The following RBFOX1 variants were observed in gnomAD, a reference collection of about 807,000 sequenced individuals.
The protein encoded by RBFOX1 is RNA binding protein fox-1 homolog 1.
In RBFOX1, 8 loss-of-function variants were observed where a neutral mutation model predicts 57.7. That is an observed-to-expected ratio of 0.14 (90% CI 0.08 to 0.25). The LOEUF is 0.25. Ranked by LOEUF, RBFOX1 falls within the 10% of genes least tolerant of loss-of-function variation. The pLI is 1.00. For synonymous variants in RBFOX1, 326 were observed against 222.4 expected (o/e 1.47, Z -4.15); for missense variants, 611 against 548.5 (o/e 1.11, Z -1.14).
chr16:6,745,835 A>C (rs1171114490), intron 3 of RBFOX1, among the ~76,000 whole-genome samples: 1 of 152,214 alleles, frequency 6.6e-6, no homozygotes, highest in Non-Finnish European at 1.5e-5. Context: ...AGAAGAAAAA[A>C]ACTGTCTTTA....
intron 1 of RBFOX1, among the ~76,000 whole-genome samples, chr16:5,443,462 T>C (rs1447983941): frequency 6.6e-6 from 1 of 152,172 alleles, no homozygotes; most frequent in Non-Finnish European, 1.5e-5. Context: ...CTCAGCCTTC[T>C]GAGTAGCTGG....
rs1426340215 is a variant in RBFOX1 at position 5,991,434 on chromosome 16, A to G, written c.351+124099A>G. Reference sequence around the variant, plus strand: ...GGAATTAAAGAATCATCGTCACTGCAGCTTTGTGCTGGGGAATGGCAATTA... The same window carrying G: ...GGAATTAAAGAATCATCGTCACTGCGGCTTTGTGCTGGGGAATGGCAATTA... On this transcript the variant is annotated intron_variant, in intron 4 of 19. Transcript: ENST00000641259. Among the ~76,000 whole-genome samples the G allele has an allele frequency of 2.0e-5, 3 of 152,304 alleles. 1 individual carries two copies. The South Asian group carries it at 6.2e-4, about 32-fold the overall frequency.
At chr16:5,351,492 T>C (rs766019248) in intron 1 of RBFOX1, among the ~76,000 whole-genome samples, 7 of 152,204 alleles carry the variant, frequency 4.6e-5, no homozygotes, top group Non-Finnish European at 7.3e-5. Context: ...CTGATGCCTA[T>C]TGATGGGTCT....
rs115090803 is a variant in RBFOX1, at chr16:6,876,710, G to A, written c.-15-175347G>A. Reference sequence around the variant, plus strand: ...GGAACCAAAGAAGTTGTTATCTGCCGTCTGATCAAGAGAGAACCCATAGTC... The same window carrying A: ...GGAACCAAAGAAGTTGTTATCTGCCATCTGATCAAGAGAGAACCCATAGTC... On this transcript the variant is annotated intron_variant, in intron 3 of 15. Coordinates refer to ENST00000550418, the MANE Select transcript of RBFOX1 (RefSeq NM_018723.4). Among the ~76,000 whole-genome samples, 1,174 of 152,090 alleles carry A rather than the reference G, an allele frequency of 7.7e-3. 14 individuals are homozygous for A. Among genetic ancestry groups the A allele is most frequent in the African/African-American group, 0.027 (1,113 of 41,470 alleles).
chr16:5,475,632 C>T (rs1202555847), intron 2 of RBFOX1, among the ~76,000 whole-genome samples: 1 of 152,198 alleles, frequency 6.6e-6, no homozygotes. Flanking sequence ...TTAAGCACCA[C>T]ATATAGAATT....
chr16:6,672,326 TG>T lies in RBFOX1; in HGVS notation c.-16+17680del, dbSNP rs374132153. Reference sequence around the variant, plus strand: ...TAAAATAACCATACAAATATTGTGGTGGGGAAGGGTGGCAGGGAGGGAGGAG... The same window carrying T: ...TAAAATAACCATACAAATATTGTGGTGGGAAGGGTGGCAGGGAGGGAGGAG... On this transcript the variant is annotated intron_variant, in intron 3 of 15. Transcript: ENST00000550418. Among the ~76,000 whole-genome samples, 10 of 148,126 alleles carry T rather than the reference TG, an allele frequency of 6.8e-5. No individual in the cohort carries two copies. In the East Asian group the frequency reaches 2.0e-3, roughly 29 times the overall value.
intron 1 of RBFOX1, among the ~76,000 whole-genome samples, chr16:6,189,389 A>T (rs976962594): frequency 1.3e-5 from 2 of 152,208 alleles, no homozygotes; most frequent in Admixed American, 6.5e-5. Context: ...TTGCCAACTC[A>T]TCATAAACTC....
intron 4 of RBFOX1, among the ~76,000 whole-genome samples, chr16:7,351,457 G>C (rs1164959496): frequency 1.3e-5 from 2 of 152,218 alleles, no homozygotes; most frequent in Non-Finnish European, 2.9e-5. Context: ...TTATGTTCTT[G>C]TAGGGGAAGG....
At chr16:6,619,112 C>G (rs542826648) in intron 2 of RBFOX1, among the ~76,000 whole-genome samples, 7 of 151,976 alleles carry the variant, frequency 4.6e-5, no homozygotes, top group South Asian at 2.1e-4. Flanking sequence ...CTTCCAGACA[C>G]TTAACACACA....
chr16:7,288,500 C>A (rs2095694737), intron 4 of RBFOX1, among the ~76,000 whole-genome samples: 1 of 152,100 alleles, frequency 6.6e-6, no homozygotes, highest in Non-Finnish European at 1.5e-5. Context: ...AATGTAAAAC[C>A]CTTGGCATAG....
At chr16:6,520,978 T>C (rs1443251442) in intron 2 of RBFOX1, among the ~76,000 whole-genome samples, 1 of 151,752 alleles carries the variant, frequency 6.6e-6, no homozygotes, top group Non-Finnish European at 1.5e-5. Context: ...ACTAGAGAGA[T>C]GTAAATTGGC....
intron 2 of RBFOX1, among the ~76,000 whole-genome samples, chr16:5,503,014 C>G (rs1262027130): frequency 6.6e-6 from 1 of 152,224 alleles, no homozygotes; most frequent in African/African-American, 2.4e-5. Context: ...AATATTTCCT[C>G]TTTCTTCCCT....
intron 2 of RBFOX1, among the ~76,000 whole-genome samples, chr16:6,450,346 C>A (rs926674250): frequency 6.6e-6 from 1 of 152,168 alleles, no homozygotes. Flanking sequence ...AAAATTGTCA[C>A]TATCCTGCTT....
rs576647800 is a variant in RBFOX1 at position 6,647,642 on chromosome 16, A to G, written c.-63-6961A>G. ...CCACACTGAGGGTTAGAGCTATGACATATGAATTTTAGGGGGGACACATAC... is the reference window on the plus strand; with the variant it reads ...CCACACTGAGGGTTAGAGCTATGACGTATGAATTTTAGGGGGGACACATAC... On this transcript the variant is annotated intron_variant, in intron 2 of 15. Coordinates refer to ENST00000550418, the MANE Select transcript of RBFOX1 (RefSeq NM_018723.4). Among the ~76,000 whole-genome samples the G allele has an allele frequency of 9.2e-5, 14 of 152,300 alleles. No homozygotes were observed. The East Asian group carries it at 2.7e-3, about 29-fold the overall frequency.
At position 6,922,185 on chromosome 16, in the gene RBFOX1, G is replaced by A. The variant is rs1174409320; in HGVS notation, c.-15-129872G>A. 2.6e-5 allele frequency among the ~76,000 whole-genome samples: 4 copies of A among 152,106 alleles called. No individual in the cohort carries two copies. The East Asian group carries it at 7.7e-4, about 29-fold the overall frequency. ...ATGTGAAATGGATCCTGGGGGGTAG[G>A]TGCAATTCAGTGGTTCTTGCTACAA... On this transcript the variant is annotated intron_variant, in intron 3 of 15. Transcript: ENST00000550418.
chr16:6,888,040 T>A (rs2064531507), intron 3 of RBFOX1, among the ~76,000 whole-genome samples: 1 of 152,128 alleles, frequency 6.6e-6, no homozygotes, highest in South Asian at 2.1e-4. Flanking sequence ...TGTTTGCTTG[T>A]GTGTCTGATT....
At chr16:5,822,666 G>A (rs1057253526) in intron 3 of RBFOX1, among the ~76,000 whole-genome samples, 1 of 152,194 alleles carries the variant, frequency 6.6e-6, no homozygotes, top group East Asian at 1.9e-4. Flanking sequence ...ACGGAATTAT[G>A]TCTTGTGTCT....
chr16:6,447,529 C>A (rs143963162), intron 2 of RBFOX1, among the ~76,000 whole-genome samples: 10 of 152,128 alleles, frequency 6.6e-5, no homozygotes, highest in Middle Eastern at 3.2e-3. Flanking sequence ...GGATGCTTGG[C>A]GGAGGTTGTC....
At chr16:6,997,930 C>G (rs1192885889) in intron 3 of RBFOX1, among the ~76,000 whole-genome samples, 1 of 151,952 alleles carries the variant, frequency 6.6e-6, no homozygotes, top group Non-Finnish European at 1.5e-5. Context: ...TAAAAGAATT[C>G]TCATGTCTAT....
Sources: gnomAD v4.1 joint callset for allele counts (sites outside exome capture counted in the v4.1 genomes callset) on GRCh38, gnomAD v4.1.1 for gene constraint, MANE v1.5 for transcripts, NCBI Gene and HGNC (gene_info 2026-07-23, HGNC 2026-07-21) for gene names.